RNF10: variants seen among roughly 807,000 people sequenced by gnomAD.
RNF10 encodes the protein ring finger protein 10, also known as E3 ubiquitin-protein ligase RNF10.
In RNF10, 38 loss-of-function variants were observed where a neutral mutation model predicts 91.4. The ratio of observed to expected loss-of-function variants is 0.42; its 90% CI spans 0.32 to 0.54. The LOEUF is 0.54. Among genes scored for constraint, RNF10 ranks in the 20% least tolerant of loss-of-function variants. The pLI, the probability that RNF10 is intolerant of heterozygous loss-of-function variation, is 0.16. For missense variants in RNF10, 945 were observed against 1,012.0 expected (o/e 0.93, Z 0.90); for synonymous variants, 364 against 366.3 (o/e 0.99, Z 0.07).
At position 120,576,683 on chromosome 12, in the gene RNF10, T is replaced by G. The variant is rs553574346; in HGVS notation, c.*17T>G. 7 of 1,598,476 alleles carry G rather than the reference T, an allele frequency of 4.4e-6. No individual in the cohort carries two copies. In the African/African-American group the frequency reaches 9.5e-5, roughly 22 times the overall value. On this transcript the variant is annotated 3_prime_UTR_variant, in exon 17 of 17. Coordinates refer to ENST00000325954, the MANE Select transcript of RNF10 (RefSeq NM_014868.5). ...ACCAAGTGACACTACTGGCCCAGGC[T>G]ACCTTCTCCATCTGGTTTTTGTTTT...
At position 120,575,898 on chromosome 12, in the gene RNF10, T is replaced by C. The variant is rs778172112; in HGVS notation, c.2307T>C (p.Ile769=). ...PSFQNSFSQA[I]EAAFMKLDTP... ...TTCAAAATTCCTTCAGCCAAGCTAT[T>C]GAAGCAGCCTTCATGAAACTGGACA... Residue 769 remains isoleucine, a synonymous_variant, in exon 16 of 17, where the codon ATT becomes ATC. Coordinates refer to ENST00000325954, the MANE Select transcript of RNF10 (RefSeq NM_014868.5). The C allele has an allele frequency of 2.2e-5, 36 of 1,614,054 alleles. No individual in the cohort carries two copies. Among genetic ancestry groups the C allele is most frequent in the Non-Finnish European group, 3.1e-5 (36 of 1,180,040 alleles).
At chr12:120,562,461 A>G (rs1458935524) in intron 7 of RNF10, among the ~76,000 whole-genome samples, 2 of 151,018 alleles carry the variant, frequency 1.3e-5, no homozygotes, top group Non-Finnish European at 3.0e-5. Flanking sequence ...TTTAGTAGAG[A>G]TGGGGTTTCT....
Position 120,566,844 on chromosome 12 carries a change from C to G in RNF10, c.1905C>G (p.Pro635=). The change falls in exon 13 of 17, where the codon CCC becomes CCG. Residue 635 remains proline, a synonymous_variant. Transcript: ENST00000325954. ...KQGKYPEVHI[P]LENLQQFPAF... is the part of the protein sequence containing the mutation. ...TTGCAGACCCAGAAGTCCACATTCCCCTCGAGAATCTACAGCAGTTTCCTG... is the reference window on the plus strand; with the variant it reads ...TTGCAGACCCAGAAGTCCACATTCCGCTCGAGAATCTACAGCAGTTTCCTG... The G allele has an allele frequency of 6.2e-7, 1 of 1,613,788 alleles. No homozygotes were observed. Among genetic ancestry groups the G allele is most frequent in the Non-Finnish European group, 8.5e-7 (1 of 1,179,856 alleles).
At chr12:120,554,682 G>T in intron 3 of RNF10, 36 bp from the exon 4 acceptor site, 2 of 1,497,246 alleles carry the variant, frequency 1.3e-6, no homozygotes, top group South Asian at 1.1e-5. Context: ...GGTAGATCCT[G>T]ACAGTCTAGC....
intron 1 of RNF10, among the ~76,000 whole-genome samples, chr12:120,538,735 G>C (rs1871174020): frequency 6.6e-6 from 1 of 152,166 alleles, no homozygotes; most frequent in South Asian, 2.1e-4. Context: ...CCATCCCCCT[G>C]GGCCGATAGA....
In RNF10 at chr12:120,534,596, C is replaced by G; in HGVS notation, c.-216C>G. On this transcript the variant is annotated 5_prime_UTR_variant, in exon 1 of 17. Coordinates refer to ENST00000325954, the MANE Select transcript of RNF10 (RefSeq NM_014868.5). ...GGCCCGGACTCCCGAGCCCCGGCCT[C>G]CTCGTCCTCGGTCGCCGCTGCCGCC... is the stretch of plus-strand genomic sequence containing the variant. 1 of 1,164,246 alleles carries G rather than the reference C, an allele frequency of 8.6e-7. No individual in the cohort carries two copies. Among genetic ancestry groups the G allele is most frequent in the Non-Finnish European group, 1.1e-6 (1 of 913,988 alleles). The allele number at this position is 1,164,246 out of a possible 1,614,324, so 72.1% of individuals were successfully genotyped here.
chr12:120,557,639 C>T lies in RNF10; in HGVS notation c.924C>T (p.Pro308=). Residue 308 remains proline (P), a synonymous_variant, in exon 6 of 17, where the codon CCC becomes CCT. Transcript: ENST00000325954. The part of the protein sequence containing the change: ...KREKGVLVAL[P]KSKWMNVDHP... ...AGAAAGGGGTGTTGGTGGCTTTGCC[C>T]AAATCCAAATGGATGAATGTAGACC... is the stretch of plus-strand genomic sequence containing the variant. 6.2e-7 allele frequency: 1 copy of T among 1,614,108 alleles called. No individual in the cohort carries two copies. The highest frequency in any genetic ancestry group is 8.5e-7 in the Non-Finnish European group (1 of 1,180,022).
At chr12:120,575,322 C>A in intron 14 of RNF10, 1 of 304,218 alleles carries the variant, frequency 3.3e-6, no homozygotes, top group Non-Finnish European at 6.2e-6. Flanking sequence ...AAAACTTAAC[C>A]AGAAAGTCGG....
At chr12:120,549,130 C>CT (rs1199971842) in intron 2 of RNF10, among the ~76,000 whole-genome samples, 2 of 152,102 alleles carry the variant, frequency 1.3e-5, no homozygotes, top group Non-Finnish European at 2.9e-5. Flanking sequence ...GATAGGAACT[C>CT]TACCAGTTCA....
intron 4 of RNF10, 130 bp from the exon 5 acceptor site, chr12:120,557,152 A>G: frequency 1.3e-6 from 1 of 757,708 alleles, no homozygotes; most frequent in Non-Finnish European, 2.2e-6. Flanking sequence ...TTAGAAAGAT[A>G]TGTTGAGTAT....
intron 13 of RNF10, 87 bp downstream of exon 13, chr12:120,567,067 A>G: frequency 7.5e-7 from 1 of 1,337,318 alleles, no homozygotes; most frequent in Non-Finnish European, 1.0e-6. Flanking sequence ...CGGCCCACTC[A>G]GCATGGTGTG....
rs1235662150 is a variant in RNF10 at position 120,576,917 on chromosome 12, T to G, written c.*251T>G. ...CTTCCTGCCAAGGTTTTTAGTTCAT[T>G]GCCAGTTTAGTCTTTTTGACCCATG... On this transcript the variant is annotated 3_prime_UTR_variant, in exon 17 of 17. Coordinates refer to ENST00000325954, the MANE Select transcript of RNF10 (RefSeq NM_014868.5). 6.7e-6 allele frequency: 3 copies of G among 448,724 alleles called. No homozygotes were observed. The highest frequency in any genetic ancestry group is 1.2e-5 in the Non-Finnish European group (3 of 249,908). The allele number at this position is 448,724 out of a possible 1,614,324, so 27.8% of individuals were successfully genotyped here. A position where few individuals can be genotyped will look rare whatever the true frequency, so the allele number is the denominator to read the frequency against.
At chr12:120,557,215 C>A in intron 4 of RNF10, 67 bp from the exon 5 acceptor site, 3 of 1,433,046 alleles carry the variant, frequency 2.1e-6, no homozygotes, top group Non-Finnish European at 1.9e-6. Context: ...AGTAGAGAGG[C>A]CTAAAACTTT....
intron 6 of RNF10, 127 bp from the exon 7 acceptor site, chr12:120,560,599 T>C (rs1874703270): frequency 2.4e-6 from 2 of 825,008 alleles, no homozygotes; most frequent in Non-Finnish European, 3.8e-6. Context: ...AATTATTTTC[T>C]AGGAAATCAT....
chr12:120,565,651 A>G, intron 12 of RNF10, 122 bp downstream of exon 12: 1 of 752,312 alleles, frequency 1.3e-6, no homozygotes, highest in Non-Finnish European at 2.3e-6. Flanking sequence ...AATGTGAATC[A>G]TGAGAGCACC....
At chr12:120,566,795 G>A (rs769947156) in intron 12 of RNF10, 30 bp from the exon 13 acceptor site, 38 of 1,567,246 alleles carry the variant, frequency 2.4e-5, no homozygotes, top group Non-Finnish European at 3.3e-5. Context: ...TTCTGTAAAT[G>A]GGTTTACAAG....
chr12:120,557,042 G>T (rs1035570312), intron 4 of RNF10, among the ~76,000 whole-genome samples: 1 of 148,122 alleles, frequency 6.8e-6, no homozygotes. Flanking sequence ...TACTCCAGAG[G>T]CTGAGGCAGG....
At chr12:120,550,064 C>T (rs1321788383) in intron 2 of RNF10, among the ~76,000 whole-genome samples, 1 of 152,132 alleles carries the variant, frequency 6.6e-6, no homozygotes, top group Non-Finnish European at 1.5e-5. Flanking sequence ...TGTAATCATA[C>T]ATTTTCTAGC....
intron 6 of RNF10, 150 bp from the exon 7 acceptor site, chr12:120,560,576 A>T: frequency 1.4e-6 from 1 of 710,698 alleles, no homozygotes; most frequent in Non-Finnish European, 2.3e-6. Context: ...ACCTTATTTT[A>T]AGACCATTGT....
Sources: gnomAD v4.1 joint callset for allele counts (sites outside exome capture counted in the v4.1 genomes callset) on GRCh38, gnomAD v4.1.1 for gene constraint, MANE v1.5 for transcripts, NCBI Gene and HGNC (gene_info 2026-07-23, HGNC 2026-07-21) for gene names.